The following GRM7 variants were observed in gnomAD, a reference collection of about 807,000 sequenced individuals.
GRM7 encodes glutamate metabotropic receptor 7.
A neutral mutation model predicts 84.5 loss-of-function variants in GRM7; 35 were observed. That is an observed-to-expected ratio of 0.41 (90% CI 0.32 to 0.55). The LOEUF is 0.55. Among genes scored for constraint, GRM7 ranks in the 20% least tolerant of loss-of-function variants. GRM7 has a pLI of 0.19. For missense variants in GRM7, 1,003 were observed against 1,194.6 expected (o/e 0.84, Z 2.36); for synonymous variants, 487 against 455.1 (o/e 1.07, Z -0.89).
chr3:6,867,848 T>A (rs17046201), intron 1 of GRM7, among the ~76,000 whole-genome samples: 8,085 of 152,072 alleles, frequency 0.053, 745 homozygotes, highest in African/African-American at 0.18. Flanking sequence ...TCTGAAAGAG[T>A]GTTGAGTCAA....
chr3:7,710,647 G>A (rs1701548912), intron 9 of GRM7, among the ~76,000 whole-genome samples: 1 of 152,128 alleles, frequency 6.6e-6, no homozygotes, highest in African/African-American at 2.4e-5. Context: ...ACAGGGTGGA[G>A]CAAAGTTGGG....
chr3:7,584,452 G>T (rs1007312362), intron 8 of GRM7, among the ~76,000 whole-genome samples: 3 of 152,154 alleles, frequency 2.0e-5, no homozygotes, highest in African/African-American at 7.2e-5. Context: ...ATTTTGTAGG[G>T]CTGGACTCTA....
intron 1 of GRM7, among the ~76,000 whole-genome samples, chr3:6,980,957 TG>T (rs1455021544): frequency 1.3e-5 from 2 of 152,220 alleles, no homozygotes; most frequent in African/African-American, 4.8e-5. Flanking sequence ...CTAGAAGGGA[TG>T]TTTTTTTCCC....
intron 5 of GRM7, among the ~76,000 whole-genome samples, chr3:7,447,641 C>T (rs1338366928): frequency 6.6e-6 from 1 of 151,900 alleles, no homozygotes; most frequent in Admixed American, 6.6e-5. Flanking sequence ...GTGCGTGGGC[C>T]GGGTGTGGTG....
At chr3:6,988,352 C>CT (rs1287794508) in intron 1 of GRM7, among the ~76,000 whole-genome samples, 2 of 151,814 alleles carry the variant, frequency 1.3e-5, no homozygotes, top group Non-Finnish European at 2.9e-5. Flanking sequence ...TCTTTTGGGA[C>CT]TTCACAGCTC....
chr3:7,162,753 TTTTTTTTTTTTTTTTTTTTTTTTTG>T (rs1178209605), intron 2 of GRM7, among the ~76,000 whole-genome samples: 57 of 42,816 alleles, frequency 1.3e-3, no homozygotes, highest in South Asian at 3.7e-3. Flanking sequence ...TTTTTTTTTT[TTTTTTTTTTTTTTTTTTTTTTTTTG>T]AGATGGAGTC....
chr3:6,931,847 A>G, intron 1 of GRM7, among the ~76,000 whole-genome samples: 1 of 152,244 alleles, frequency 6.6e-6, no homozygotes, highest in Non-Finnish European at 1.5e-5. Context: ...GCTGGAATGC[A>G]TTCAAGTTTG....
At chr3:6,869,880 A>G (rs903164772) in intron 1 of GRM7, among the ~76,000 whole-genome samples, 1 of 152,180 alleles carries the variant, frequency 6.6e-6, no homozygotes, top group Non-Finnish European at 1.5e-5. Flanking sequence ...TTACACTTTT[A>G]TAAGCTTTAC....
At chr3:7,383,965 AC>A (rs1197806698) in intron 4 of GRM7, among the ~76,000 whole-genome samples, 1 of 152,158 alleles carries the variant, frequency 6.6e-6, no homozygotes, top group Non-Finnish European at 1.5e-5. Flanking sequence ...AGTCATCTGG[AC>A]CCTACTCTAA....
At chr3:7,208,616 T>G (rs1326454521) in intron 2 of GRM7, among the ~76,000 whole-genome samples, 1 of 152,184 alleles carries the variant, frequency 6.6e-6, no homozygotes, top group Non-Finnish European at 1.5e-5. Flanking sequence ...TAATAAACAC[T>G]AGCTGATATC....
At chr3:7,592,303 C>T (rs1294014351) in intron 8 of GRM7, among the ~76,000 whole-genome samples, 1 of 151,726 alleles carries the variant, frequency 6.6e-6, no homozygotes, top group Non-Finnish European at 1.5e-5. Flanking sequence ...ATGGGGCATA[C>T]AGTCTGCAAT....
chr3:7,526,643 T>C lies in GRM7; in HGVS notation c.1516-51779T>C, dbSNP rs548782616. Among the ~76,000 whole-genome samples the C allele has an allele frequency of 6.6e-5, 10 of 152,152 alleles. 1 individual carries two copies. In the South Asian group the frequency reaches 2.1e-3, roughly 32 times the overall value. On this transcript the variant is annotated intron_variant, in intron 7 of 9. Coordinates refer to ENST00000357716, the MANE Select transcript of GRM7 (RefSeq NM_000844.4). Reference sequence around the variant, plus strand: ...GTATTTCCTAGGTTTTCTTGCAGGATTTTTATAGTTGGAGGTTTTAACATT... The same window carrying C: ...GTATTTCCTAGGTTTTCTTGCAGGACTTTTATAGTTGGAGGTTTTAACATT...
At position 7,000,318 on chromosome 3, in the gene GRM7, C is replaced by T. The variant is rs1846471; in HGVS notation, c.519+138411C>T. ...TCCTGAGTAGCTGAGATTACAGGTGCCTGCAATTGCACCTGGCTAATATGT... is the reference window on the plus strand; with the variant it reads ...TCCTGAGTAGCTGAGATTACAGGTGTCTGCAATTGCACCTGGCTAATATGT... On this transcript the variant is annotated intron_variant, in intron 1 of 9. Transcript: ENST00000357716. Among the ~76,000 whole-genome samples the T allele has an allele frequency of 9.7e-3, 1,475 of 151,902 alleles. 26 individuals carry two copies. The highest frequency in any genetic ancestry group is 0.032 in the African/African-American group (1,334 of 41,436).
chr3:6,865,138 A>G (rs558059436), intron 1 of GRM7, among the ~76,000 whole-genome samples: 3 of 152,366 alleles, frequency 2.0e-5, no homozygotes, highest in East Asian at 1.9e-4. Context: ...TTCAGCCTCA[A>G]AGAAACATCA....
At chr3:7,047,451 C>G (rs12054177) in intron 1 of GRM7, among the ~76,000 whole-genome samples, 20,653 of 152,008 alleles carry the variant, frequency 0.14, 2,189 homozygotes, top group African/African-American at 0.29. Context: ...TATAGTCCAA[C>G]CACCATCTCT....
chr3:7,420,150 A>G (rs1401435760), intron 5 of GRM7, among the ~76,000 whole-genome samples: 1 of 152,128 alleles, frequency 6.6e-6, no homozygotes, highest in Non-Finnish European at 1.5e-5. Context: ...TAAGTCTTTT[A>G]TTTTTACCAG....
chr3:7,263,076 T>C (rs1698495677), intron 2 of GRM7, among the ~76,000 whole-genome samples: 1 of 152,238 alleles, frequency 6.6e-6, no homozygotes, highest in Admixed American at 6.5e-5. Context: ...GGTTTGAAGT[T>C]GCTGTCTTTT....
chr3:7,195,023 A>T (rs775705745), intron 2 of GRM7, among the ~76,000 whole-genome samples: 2 of 152,104 alleles, frequency 1.3e-5, no homozygotes, highest in Non-Finnish European at 2.9e-5. Flanking sequence ...ACAAGGCTTG[A>T]TGTTTATTAA....
intron 1 of GRM7, among the ~76,000 whole-genome samples, chr3:7,105,255 C>T (rs1249881755): frequency 1.3e-5 from 2 of 151,602 alleles, no homozygotes; most frequent in African/African-American, 4.8e-5. Context: ...AAAATGTTGA[C>T]CCAGAACAAT....
Sources: gnomAD v4.1 joint callset for allele counts (sites outside exome capture counted in the v4.1 genomes callset) on GRCh38, gnomAD v4.1.1 for gene constraint, MANE v1.5 for transcripts, NCBI Gene and HGNC (gene_info 2026-07-23, HGNC 2026-07-21) for gene names.